TMA16: variants seen among roughly 807,000 people sequenced by gnomAD.
TMA16 encodes the protein translation machinery-associated protein 16.
In TMA16, 26 loss-of-function variants were observed where a neutral mutation model predicts 27.1. The ratio of observed to expected loss-of-function variants is 0.96; its 90% CI spans 0.70 to 1.33. The LOEUF (loss-of-function observed/expected upper bound fraction) is 1.33, where lower values mean the gene tolerates loss of function less well. Ranked by LOEUF, TMA16 falls within the 40% of genes most tolerant of loss-of-function variation. TMA16 has a pLI of 0.00. For synonymous variants in TMA16, 71 were observed against 81.9 expected (o/e 0.87, Z 0.72); for missense variants, 233 against 241.4 (o/e 0.97, Z 0.23).
At position 163,501,816 on chromosome 4, in the gene TMA16, T is replaced by C. The variant is rs150264117; in HGVS notation, c.4-5217T>C. On this transcript the variant is annotated intron_variant, in intron 1 of 6. Transcript: ENST00000358572. Reference sequence around the variant, plus strand: ...ATTTTGTAGCCTGGAAATTGAGAAATGTTTAGTAAATTTCTTGATTTTTAG... The same window carrying C: ...ATTTTGTAGCCTGGAAATTGAGAAACGTTTAGTAAATTTCTTGATTTTTAG... Among the ~76,000 whole-genome samples the C allele has an allele frequency of 3.7e-3, 566 of 152,302 alleles. 6 individuals are homozygous for C. Among genetic ancestry groups the C allele is most frequent in the African/African-American group, 0.013 (538 of 41,556 alleles).
At chr4:163,515,704 G>GT in intron 5 of TMA16, 1 of 358,874 alleles carries the variant, frequency 2.8e-6, no homozygotes, top group Non-Finnish European at 5.1e-6. Flanking sequence ...TAGTAATACT[G>GT]ATTACTTTCA....
At position 163,514,272 on chromosome 4, in the gene TMA16, T is replaced by A. The variant is rs1300126777; in HGVS notation, c.239+114T>A. The A allele has an allele frequency of 5.0e-6, 4 of 802,118 alleles. No homozygotes were observed. The African/African-American group carries it at 5.3e-5, about 11-fold the overall frequency. 49.7% of individuals were successfully genotyped at this position (802,118 alleles called of 1,614,324 possible). ...GCAGAAGAGCAAATGGGCTTTGTTA[T>A]CAGGAAGACTATTTCCTGGCTTAGT... On this transcript the variant is annotated intron_variant, in intron 4 of 6. Transcript: ENST00000358572.
intron 2 of TMA16, among the ~76,000 whole-genome samples, chr4:163,508,491 C>T (rs902117840): frequency 1.3e-5 from 2 of 152,014 alleles, no homozygotes; most frequent in African/African-American, 4.8e-5. Context: ...ATACTATTAC[C>T]TGCTGTAAAT....
chr4:163,511,702 G>A (rs1010313105), intron 2 of TMA16, among the ~76,000 whole-genome samples: 26 of 151,466 alleles, frequency 1.7e-4, no homozygotes, highest in African/African-American at 6.1e-4. Flanking sequence ...GTATATAACA[G>A]TAGTCCTAAC....
At chr4:163,497,154 C>T (rs945730110) in intron 1 of TMA16, among the ~76,000 whole-genome samples, 5 of 152,124 alleles carry the variant, frequency 3.3e-5, no homozygotes, top group African/African-American at 1.2e-4. Flanking sequence ...TACTGACTAC[C>T]TTAATGGTAG....
At chr4:163,496,607 T>TA (rs1239794045) in intron 1 of TMA16, among the ~76,000 whole-genome samples, 10 of 152,134 alleles carry the variant, frequency 6.6e-5, no homozygotes, top group African/African-American at 1.9e-4. Flanking sequence ...TATTTTTTAT[T>TA]TTTTTTTGAG....
intron 1 of TMA16, among the ~76,000 whole-genome samples, chr4:163,495,966 A>G (rs1296234144): frequency 6.6e-6 from 1 of 152,054 alleles, no homozygotes; most frequent in Non-Finnish European, 1.5e-5. Context: ...ATTACATCTC[A>G]TTGTGTTTGA....
At position 163,494,816 on chromosome 4, in the gene TMA16, CCTG is replaced by C; in HGVS notation, c.3+15_3+17del. On this transcript the variant is annotated intron_variant, in intron 1 of 6. Coordinates refer to ENST00000358572, the MANE Select transcript of TMA16 (RefSeq NM_018352.3). ...AGGACGTCACCATGGTGGGCCCCCT[CCTG>C]CTCCCCCGAACCGCTCGGTTGGTTC... 1 of 1,611,784 alleles carries C rather than the reference CCTG, an allele frequency of 6.2e-7. No individual in the cohort carries two copies.
chr4:163,497,619 C>T (rs1266559379), intron 1 of TMA16, among the ~76,000 whole-genome samples: 1 of 152,134 alleles, frequency 6.6e-6, no homozygotes, highest in South Asian at 2.1e-4. Context: ...AGCAGCATGG[C>T]ATCTTTAAAT....
chr4:163,508,360 G>T (rs1737745747), intron 2 of TMA16, among the ~76,000 whole-genome samples: 1 of 152,134 alleles, frequency 6.6e-6, no homozygotes, highest in South Asian at 2.1e-4. Flanking sequence ...GGTAATGCTG[G>T]TGCTGTTGCT....
chr4:163,496,390 A>G (rs1737553292), intron 1 of TMA16, among the ~76,000 whole-genome samples: 1 of 152,220 alleles, frequency 6.6e-6, no homozygotes, highest in African/African-American at 2.4e-5. Flanking sequence ...TAGTTATATA[A>G]ATAGTAACAG....
chr4:163,519,290 C>G, intron 6 of TMA16, 44 bp from the exon 7 acceptor site: 1 of 1,487,478 alleles, frequency 6.7e-7, no homozygotes, highest in Non-Finnish European at 8.9e-7. Flanking sequence ...CACATTAACT[C>G]TTACCAACAC....
At chr4:163,511,092 A>C (rs1737785651) in intron 2 of TMA16, among the ~76,000 whole-genome samples, 1 of 152,216 alleles carries the variant, frequency 6.6e-6, no homozygotes, top group African/African-American at 2.4e-5. Context: ...GTATATAAGA[A>C]TTGCTGGATC....
chr4:163,497,387 A>G (rs1737573558), intron 1 of TMA16, among the ~76,000 whole-genome samples: 1 of 152,234 alleles, frequency 6.6e-6, no homozygotes, highest in Non-Finnish European at 1.5e-5. Flanking sequence ...TAAAAATTGT[A>G]TTAGTTTCTT....
At chr4:163,505,756 G>A (rs1015877304) in intron 1 of TMA16, among the ~76,000 whole-genome samples, 4 of 152,172 alleles carry the variant, frequency 2.6e-5, no homozygotes, top group African/African-American at 9.6e-5. Flanking sequence ...ACTTTAAGCA[G>A]GGGAGAGGGA....
Position 163,505,279 on chromosome 4 carries a change from A to G in TMA16, c.4-1754A>G, listed in dbSNP as rs144959559. 4.3e-4 allele frequency among the ~76,000 whole-genome samples: 66 copies of G among 152,302 alleles called. 1 individual carries two copies. The East Asian group carries it at 0.012, about 28-fold the overall frequency. ...TCTCCTCTGCACTTGCCATGTGAGC[A>G]GAGAGATACATAAAAGAGTACATAT... On this transcript the variant is annotated intron_variant, in intron 1 of 6. Transcript: ENST00000358572.
At chr4:163,516,439 A>G (rs989307761) in intron 5 of TMA16, among the ~76,000 whole-genome samples, 12 of 152,356 alleles carry the variant, frequency 7.9e-5, no homozygotes, top group Admixed American at 7.2e-4. Flanking sequence ...ATACTTTTTA[A>G]CACCTAGCCC....
intron 6 of TMA16, among the ~76,000 whole-genome samples, chr4:163,517,852 T>C (rs1737907647): frequency 6.6e-6 from 1 of 152,190 alleles, no homozygotes; most frequent in African/African-American, 2.4e-5. Flanking sequence ...GCAGAGAAGA[T>C]GGTTATAGGA....
chr4:163,519,422 A>G lies in TMA16; in HGVS notation c.520A>G (p.Lys174Glu), dbSNP rs1268645881. The change falls in exon 7 of 7, where the codon AAA becomes GAA. Residue 174 changes from lysine to glutamate, a missense_variant. Lys to Glu is a moderately conservative substitution (Grantham distance 56). Coordinates refer to ENST00000358572, the MANE Select transcript of TMA16 (RefSeq NM_018352.3). ...TGCAATTCCCAAGACGTGCAAGAGG[A>G]AAACTATTATAACTGTAGACCAAGA... ...NDAIPKTCKR[K>E]TIITVDQDLG... The G allele has an allele frequency of 3.7e-6, 6 of 1,607,682 alleles. No individual in the cohort carries two copies. Among genetic ancestry groups the G allele is most frequent in the Middle Eastern group, 1.6e-4 (1 of 6,064 alleles).
Sources: allele counts gnomAD v4.1 joint callset (sites outside exome capture counted in the v4.1 genomes callset), GRCh38; gene constraint gnomAD v4.1.1; transcripts MANE v1.5; gene names NCBI Gene and HGNC (gene_info 2026-07-23, HGNC 2026-07-21).